The following CSMD1 variants were observed in gnomAD, a reference collection of about 807,000 sequenced individuals.
CSMD1 encodes CUB and Sushi multiple domains 1.
Under a neutral mutation model 417.5 loss-of-function variants are expected in CSMD1, and 213 were observed. The observed-to-expected ratio is 0.51, with a 90% CI of 0.46 to 0.57. The LOEUF (loss-of-function observed/expected upper bound fraction) is 0.57. Ranked by LOEUF, CSMD1 falls within the 20% of genes least tolerant of loss-of-function variation. The probability of loss-of-function intolerance (pLI) is 0.00; values close to 1 mark genes in which losing one functional copy is unlikely to be tolerated. For synonymous variants in CSMD1, 2,862 were observed against 1,736.8 expected (o/e 1.65, Z -16.11); for missense variants, 6,923 against 4,529.7 (o/e 1.53, Z -15.17).
chr8:4,573,650 G>A (rs1014035845), intron 2 of CSMD1, among the ~76,000 whole-genome samples: 1 of 152,098 alleles, frequency 6.6e-6, no homozygotes, highest in African/African-American at 2.4e-5. Context: ...CTTGAGTGCT[G>A]TGGTAGGAGA....
At chr8:4,811,198 G>C (rs537625382) in intron 1 of CSMD1, among the ~76,000 whole-genome samples, 1 of 152,096 alleles carries the variant, frequency 6.6e-6, no homozygotes, top group Non-Finnish European at 1.5e-5. Flanking sequence ...CTCATTTCTG[G>C]AAAATGGTGA....
intron 3 of CSMD1, among the ~76,000 whole-genome samples, chr8:4,405,583 CGTGA>C (rs1309601020): frequency 2.6e-5 from 4 of 152,106 alleles, no homozygotes; most frequent in African/African-American, 9.7e-5. Context: ...CTATACAAAA[CGTGA>C]GTTTGTTTGT....
At chr8:4,116,369 T>C (rs1180479193) in intron 3 of CSMD1, among the ~76,000 whole-genome samples, 4 of 152,144 alleles carry the variant, frequency 2.6e-5, no homozygotes, top group African/African-American at 7.2e-5. Context: ...TATACACTTG[T>C]CCAAACCCAT....
Position 3,754,015 on chromosome 8 carries a change from T to C in CSMD1, c.846A>G (p.Pro282=). The stretch of plus-strand genomic sequence containing the variant: ...GTAGCCAATTCTTGCTACTGATAAC[T>C]GGAGAGGGGAGGTTCATGCCAGTTA... ...IWLTGMNLPS[P]VISSKNWLRL... The change falls in exon 6 of 70, where the codon CCA becomes CCG. Residue 282 remains proline (P), a synonymous_variant. Transcript: ENST00000635120. 6.2e-7 allele frequency: 1 copy of C among 1,613,032 alleles called. No individual in the cohort carries two copies. Among genetic ancestry groups the C allele is most frequent in the Non-Finnish European group, 8.5e-7 (1 of 1,179,284 alleles).
intron 2 of CSMD1, among the ~76,000 whole-genome samples, chr8:4,471,753 A>C (rs1052575623): frequency 3.9e-5 from 6 of 152,018 alleles, no homozygotes; most frequent in South Asian, 2.1e-4. Flanking sequence ...AGTTAGACCC[A>C]TTTCTTTAGC....
At chr8:3,354,346 T>G (rs1808601431) in intron 21 of CSMD1, among the ~76,000 whole-genome samples, 3 of 152,134 alleles carry the variant, frequency 2.0e-5, no homozygotes, top group Non-Finnish European at 2.9e-5. Flanking sequence ...GAAATTGTTG[T>G]GGGGCTTTTG....
At position 4,175,510 on chromosome 8, in the gene CSMD1, C is replaced by T. The variant is rs1415552248; in HGVS notation, c.416-143411G>A. Among the ~76,000 whole-genome samples, 5 of 152,054 alleles carry T rather than the reference C, an allele frequency of 3.3e-5. No homozygotes were observed. The East Asian group carries it at 7.7e-4, about 23-fold the overall frequency. The stretch of plus-strand genomic sequence containing the variant: ...ATTTTCTTAAAACATTACACAAAGA[C>T]AACTGATAGAAGCCCAATGGATAAA... On this transcript the variant is annotated intron_variant, in intron 3 of 69. Transcript: ENST00000635120.
intron 50 of CSMD1, among the ~76,000 whole-genome samples, chr8:3,031,327 G>C (rs10089826): frequency 2.6e-5 from 3 of 113,446 alleles, no homozygotes; most frequent in Non-Finnish European, 5.3e-5. Context: ...GGTGGGGGGA[G>C]GGTGGAGGGC....
intron 49 of CSMD1, among the ~76,000 whole-genome samples, chr8:3,085,536 G>C (rs1377087575): frequency 1.3e-5 from 2 of 152,306 alleles, no homozygotes; most frequent in East Asian, 1.9e-4. Flanking sequence ...ACAAAGAAGA[G>C]ATACCCTGAT....
chr8:3,294,355 G>C (rs955006222), intron 25 of CSMD1, among the ~76,000 whole-genome samples: 1 of 152,212 alleles, frequency 6.6e-6, no homozygotes, highest in Non-Finnish European at 1.5e-5. Flanking sequence ...AAAGCTGTCA[G>C]ACAGGGACAT....
intron 2 of CSMD1, among the ~76,000 whole-genome samples, chr8:4,438,204 C>T (rs1798256405): frequency 6.6e-6 from 1 of 152,142 alleles, no homozygotes; most frequent in Admixed American, 6.5e-5. Flanking sequence ...GATCGATCTG[C>T]AAGAAACTCC....
chr8:3,520,039 T>TATATGTATATAC lies in CSMD1; in HGVS notation c.1345-26314_1345-26313insGTATATACATAT, dbSNP rs545212684. Among the ~76,000 whole-genome samples, 35 of 147,180 alleles carry TATATGTATATAC rather than the reference T, an allele frequency of 2.4e-4. 1 individual carries two copies. The East Asian group carries it at 5.0e-3, about 21-fold the overall frequency. On this transcript the variant is annotated intron_variant, in intron 10 of 69. Coordinates refer to ENST00000635120, the MANE Select transcript of CSMD1 (RefSeq NM_033225.6). ...ATATACCTATATATATATATATATA[T>TATATGTATATAC]ACACGTATAGTTGTGAAACTTGCTC...
At chr8:3,042,454 G>A (rs1174692373) in intron 50 of CSMD1, among the ~76,000 whole-genome samples, 4 of 152,152 alleles carry the variant, frequency 2.6e-5, no homozygotes, top group African/African-American at 9.7e-5. Flanking sequence ...ATCTGCACAT[G>A]ATGATGATGC....
chr8:4,953,529 G>A (rs1808886762), intron 1 of CSMD1, among the ~76,000 whole-genome samples: 1 of 152,084 alleles, frequency 6.6e-6, no homozygotes, highest in Non-Finnish European at 1.5e-5. Context: ...AACTTGAACT[G>A]TGCCCTTATA....
At chr8:3,891,316 C>T (rs1376112884) in intron 5 of CSMD1, among the ~76,000 whole-genome samples, 1 of 152,124 alleles carries the variant, frequency 6.6e-6, no homozygotes, top group African/African-American at 2.4e-5. Context: ...TCCCAAAGTG[C>T]TGGGATTACA....
chr8:4,983,447 T>G (rs1235327862), intron 1 of CSMD1, among the ~76,000 whole-genome samples: 1 of 152,250 alleles, frequency 6.6e-6, no homozygotes, highest in African/African-American at 2.4e-5. Context: ...AGAGTGCCCT[T>G]CAGTTCTCCA....
intron 7 of CSMD1, among the ~76,000 whole-genome samples, chr8:3,691,080 C>T (rs919139583): frequency 1.3e-5 from 2 of 151,924 alleles, no homozygotes; most frequent in African/African-American, 4.8e-5. Context: ...AAAACTGTAT[C>T]AATGGGCCGG....
intron 3 of CSMD1, among the ~76,000 whole-genome samples, chr8:4,072,198 G>T (rs150391499): frequency 6.6e-6 from 1 of 152,142 alleles, no homozygotes; most frequent in African/African-American, 2.4e-5. Flanking sequence ...TCTGTTTTAC[G>T]TATTTATTTT....
intron 1 of CSMD1, among the ~76,000 whole-genome samples, chr8:4,741,375 G>T (rs1180035891): frequency 6.6e-6 from 1 of 152,066 alleles, no homozygotes; most frequent in Non-Finnish European, 1.5e-5. Flanking sequence ...CATATTGAAA[G>T]GACACTATTA....
Sources: gnomAD v4.1 joint callset for allele counts (sites outside exome capture counted in the v4.1 genomes callset) on GRCh38, gnomAD v4.1.1 for gene constraint, MANE v1.5 for transcripts, NCBI Gene and HGNC (gene_info 2026-07-23, HGNC 2026-07-21) for gene names.